MICAL3: variants seen among roughly 807,000 people sequenced by gnomAD.
The protein encoded by MICAL3 is microtubule associated monooxygenase, calponin and LIM domain containing 3.
MICAL3 carries 62 observed loss-of-function variants against 207.4 expected under a neutral mutation model. The observed-to-expected ratio is 0.30, with a 90% CI of 0.24 to 0.37. MICAL3 has a LOEUF of 0.37. MICAL3 is among the 10% of genes least tolerant of loss of function. The pLI, the probability that MICAL3 is intolerant of heterozygous loss-of-function variation, is 1.00. For synonymous variants in MICAL3, 1,077 were observed against 1,069.3 expected (o/e 1.01, Z -0.14); for missense variants, 2,368 against 2,635.6 (o/e 0.90, Z 2.22).
In MICAL3 at chr22:17,841,457, C is replaced by T. The variant is rs142723054; in HGVS notation, c.2801+365G>A. On this transcript the variant is annotated intron_variant, in intron 20 of 31. Transcript: ENST00000441493. The surrounding 1 kb of genome is among the most constrained non-coding windows in gnomAD (Gnocchi z 4.2). Reference sequence around the variant, plus strand: ...GGACTAGGCCTCCCTCAAGACGGCCCGGTGCACTGGTGGCTGAATCACCCA... The same window carrying T: ...GGACTAGGCCTCCCTCAAGACGGCCTGGTGCACTGGTGGCTGAATCACCCA... 2.0e-5 allele frequency: 9 copies of T among 444,992 alleles called. No individual in the cohort carries two copies. The highest frequency in any genetic ancestry group is 5.4e-5 in the South Asian group (1 of 18,528). 27.6% of individuals were successfully genotyped at this position (444,992 alleles called of 1,614,324 possible).
In MICAL3 at chr22:17,831,926, C is replaced by G. The variant is rs1159787922; in HGVS notation, c.2983G>C (p.Glu995Gln). The G allele has an allele frequency of 2.6e-6, 4 of 1,567,776 alleles. No individual in the cohort carries two copies. The East Asian group carries it at 9.4e-5, about 37-fold the overall frequency. ...TCTTCATATTCTTCCTCCTCCTCCT[C>G]CTCCTCTTCATTCCCAGGCCCAAAG... ...KSFGPGNEEE[E>Q]EEEEEYEEEE... The change falls in exon 21 of 32, where the codon GAG becomes CAG. Residue 995 changes from glutamate (E) to glutamine (Q), a missense_variant. Physicochemically the swap from Glu to Gln is conservative, Grantham distance 29. Around this residue, in one of 4 missense-constraint regions of MICAL3, gnomAD observed 1,770 missense variants for 1,863.2 expected, o/e 0.95. Coordinates refer to ENST00000441493, the MANE Select transcript of MICAL3 (RefSeq NM_015241.3).
At chr22:17,897,304 C>T (rs1930928941) in intron 7 of MICAL3, among the ~76,000 whole-genome samples, 1 of 151,426 alleles carries the variant, frequency 6.6e-6, no homozygotes, top group Non-Finnish European at 1.5e-5. Flanking sequence ...GTGCCGGTAA[C>T]CCCAGCTACT....
chr22:17,942,250 C>T (rs951136291), intron 1 of MICAL3, among the ~76,000 whole-genome samples: 2 of 152,212 alleles, frequency 1.3e-5, no homozygotes, highest in Admixed American at 6.5e-5. Context: ...AGTCCATGCA[C>T]CAAGTGACCG....
At position 17,999,518 on chromosome 22, in the gene MICAL3, A is replaced by G. The variant is rs111570573; in HGVS notation, c.-75+24763T>C. Among the ~76,000 whole-genome samples, 189 of 152,334 alleles carry G rather than the reference A, an allele frequency of 1.2e-3. 1 individual carries two copies. The highest frequency in any genetic ancestry group is 4.3e-3 in the African/African-American group (180 of 41,586). On this transcript the variant is annotated intron_variant, in intron 1 of 31. Coordinates refer to ENST00000441493, the MANE Select transcript of MICAL3 (RefSeq NM_015241.3). ...AACCCAAGGAAGAGAGGAAAAATTT[A>G]CTTTTATGTTTATTGAACATCTGCT...
rs571491031 is a variant in MICAL3 at position 17,911,921 on chromosome 22, G to A, written c.-74-5035C>T. On this transcript the variant is annotated intron_variant, in intron 1 of 31. Transcript: ENST00000441493. ...AGGACCCAAATCGCCAACATGCCTC[G>A]GGCTCCTGATCTGTCTTCCTTCAAC... Among the ~76,000 whole-genome samples, 47 of 90,036 alleles carry A rather than the reference G, an allele frequency of 5.2e-4. 1 individual carries two copies. The South Asian group carries it at 0.011, about 21-fold the overall frequency. The allele number at this position is 90,036 out of a possible 152,430, so 59.1% of individuals were successfully genotyped here.
intron 1 of MICAL3, among the ~76,000 whole-genome samples, chr22:17,938,744 TCCA>T (rs1220487076): frequency 6.6e-6 from 1 of 152,162 alleles, no homozygotes; most frequent in Non-Finnish European, 1.5e-5. Flanking sequence ...CCCACCCTCC[TCCA>T]CACCAGTGCT....
chr22:17,813,466 T>A (rs1200230873), intron 27 of MICAL3: 1 of 152,226 alleles, frequency 6.6e-6, no homozygotes, highest in African/African-American at 2.4e-5. Flanking sequence ...TAAATTTGCC[T>A]CCTTCAACTT....
rs981190800 is a variant in MICAL3 at position 17,788,959 on chromosome 22, G to A, written c.*1773C>T. The A allele has an allele frequency of 6.6e-6, 1 of 152,532 alleles. No individual in the cohort carries two copies. The highest frequency in any genetic ancestry group is 2.4e-5 in the African/African-American group (1 of 41,484). 9.4% of individuals were successfully genotyped at this position (152,532 alleles called of 1,614,324 possible). Reference sequence around the variant, plus strand: ...GGCGGCAGGCGGCTGGAGCGCCCCTGGCAGGCGGGTCTGGTCCGGATGGCT... The same window carrying A: ...GGCGGCAGGCGGCTGGAGCGCCCCTAGCAGGCGGGTCTGGTCCGGATGGCT... On this transcript the variant is annotated 3_prime_UTR_variant, in exon 32 of 32. Coordinates refer to ENST00000441493, the MANE Select transcript of MICAL3 (RefSeq NM_015241.3).
chr22:17,957,240 G>A (rs1260196883), intron 1 of MICAL3, among the ~76,000 whole-genome samples: 1 of 152,188 alleles, frequency 6.6e-6, no homozygotes, highest in Non-Finnish European at 1.5e-5. Flanking sequence ...GCTTTAGCTG[G>A]CAAGTCCAGG....
intron 1 of MICAL3, among the ~76,000 whole-genome samples, chr22:17,990,003 G>C: frequency 6.6e-6 from 1 of 152,124 alleles, no homozygotes; most frequent in South Asian, 2.1e-4. Context: ...ACACTTTCAT[G>C]AAGCCGCCCC....
At position 17,818,932 on chromosome 22, in the gene MICAL3, C is replaced by T; in HGVS notation, c.3729G>A (p.Gln1243=). ...ARTPVSPGSP[Q]PQPPVAASTP... is the part of the protein sequence containing the mutation. ...TGGAGGCCGCCACGGGTGGCTGGGGCTGCGGGCTCCCTGGTGAGACAGGAG... is the reference window on the plus strand; with the variant it reads ...TGGAGGCCGCCACGGGTGGCTGGGGTTGCGGGCTCCCTGGTGAGACAGGAG... The change falls in exon 26 of 32, where the codon CAG becomes CAA. Residue 1243 remains glutamine, a synonymous_variant. Transcript: ENST00000441493. 1 of 1,583,018 alleles carries T rather than the reference C, an allele frequency of 6.3e-7. No individual in the cohort carries two copies. The highest frequency in any genetic ancestry group is 8.6e-7 in the Non-Finnish European group (1 of 1,164,862).
intron 27 of MICAL3, chr22:17,813,052 C>T (rs993894746): frequency 1.3e-5 from 2 of 152,166 alleles, no homozygotes; most frequent in African/African-American, 4.8e-5. Context: ...GGGAAACCAC[C>T]CATCTCTCCC....
At chr22:17,806,383 C>T (rs1173074751) in intron 29 of MICAL3, among the ~76,000 whole-genome samples, 2 of 151,568 alleles carry the variant, frequency 1.3e-5, no homozygotes, top group South Asian at 4.2e-4. Flanking sequence ...TGTTTGGGAG[C>T]CTCTTGTTTG....
chr22:17,799,192 G>A (rs1406838375), intron 29 of MICAL3, among the ~76,000 whole-genome samples: 1 of 152,074 alleles, frequency 6.6e-6, no homozygotes, highest in African/African-American at 2.4e-5. Flanking sequence ...AGACCAGGCT[G>A]GCCAACATGG....
chr22:17,901,873 A>C lies in MICAL3; in HGVS notation c.691+5T>G. On this transcript the variant is annotated splice_donor_5th_base_variant and intron_variant, in intron 5 of 31. Transcript: ENST00000441493. ...TGAGCCAGGCAGAGGAGCACAGACC[A>C]ATACCTTCCAAGGTGTTCCTCCGAC... 1.2e-6 allele frequency: 2 copies of C among 1,609,636 alleles called. No individual in the cohort carries two copies. Among genetic ancestry groups the C allele is most frequent in the Non-Finnish European group, 1.7e-6 (2 of 1,176,208 alleles).
chr22:17,912,234 T>C (rs977024920), intron 1 of MICAL3, among the ~76,000 whole-genome samples: 5 of 152,228 alleles, frequency 3.3e-5, no homozygotes, highest in Admixed American at 2.6e-4. Flanking sequence ...TTTTGATTAG[T>C]ATAGCTTTAT....
At position 17,886,062 on chromosome 22, in the gene MICAL3, C is replaced by A; in HGVS notation, c.2068-11G>T. On this transcript the variant is annotated splice_polypyrimidine_tract_variant and intron_variant, in intron 15 of 31. Coordinates refer to ENST00000441493, the MANE Select transcript of MICAL3 (RefSeq NM_015241.3). ...CCGAGGAGCTTCCTCCTGGTCAATG[C>A]CAACCCCAAAGAACCCGGCGCTGTG... The A allele has an allele frequency of 6.2e-7, 1 of 1,613,366 alleles. No homozygotes were observed. Among genetic ancestry groups the A allele is most frequent in the Non-Finnish European group, 8.5e-7 (1 of 1,179,702 alleles).
At chr22:17,997,499 T>C (rs998876338) in intron 1 of MICAL3, among the ~76,000 whole-genome samples, 7 of 152,126 alleles carry the variant, frequency 4.6e-5, no homozygotes, top group East Asian at 3.9e-4. Flanking sequence ...AATGTGAAAA[T>C]TGTACTGCAA....
chr22:17,971,895 G>A (rs992128800), intron 1 of MICAL3, among the ~76,000 whole-genome samples: 23 of 152,328 alleles, frequency 1.5e-4, no homozygotes, highest in East Asian at 1.2e-3. Flanking sequence ...CGGCACAGGC[G>A]ACAATGCACA....
Sources: gnomAD v4.1 joint callset for allele counts (sites outside exome capture counted in the v4.1 genomes callset) on GRCh38, gnomAD v4.1.1 for gene constraint, gnomAD v4.1.1 regional missense constraint, Gnocchi (gnomAD v3.1) non-coding constraint, MANE v1.5 for transcripts, NCBI Gene and HGNC (gene_info 2026-07-23, HGNC 2026-07-21) for gene names.